The following CYP4F12 variants were observed in gnomAD, a reference collection of about 807,000 sequenced individuals.
The protein encoded by CYP4F12 is cytochrome P450 family 4 subfamily F member 12.
In CYP4F12, 60 loss-of-function variants were observed where a neutral mutation model predicts 56.5. The observed-to-expected ratio is 1.06, with a 90% CI of 0.86 to 1.32. The LOEUF (loss-of-function observed/expected upper bound fraction) is 1.32. Ranked by LOEUF, CYP4F12 falls within the 40% of genes most tolerant of loss-of-function variation. The pLI, the probability that CYP4F12 is intolerant of heterozygous loss-of-function variation, is 0.00. For missense variants in CYP4F12, 711 were observed against 683.5 expected (o/e 1.04, Z -0.45); for synonymous variants, 263 against 264.9 (o/e 0.99, Z 0.07).
At chr19:15,674,634 C>T (rs2006820725) in intron 2 of CYP4F12, among the ~76,000 whole-genome samples, 1 of 81,004 alleles carries the variant, frequency 1.2e-5, no homozygotes, top group Admixed American at 1.4e-4. Flanking sequence ...CCTCTATCCA[C>T]TCACTTTTTG....
chr19:15,678,694 G>C lies in CYP4F12; in HGVS notation c.343+289G>C, dbSNP rs977840512. ...TCAGGAATGGGCAAGAGAGAGATGG[G>C]TATGACAACACAGAGAACTGGGTGT... On this transcript the variant is annotated intron_variant, in intron 3 of 12. Coordinates refer to ENST00000550308, the MANE Select transcript of CYP4F12 (RefSeq NM_023944.4). The C allele has an allele frequency of 4.0e-5, 14 of 349,986 alleles. No individual in the cohort carries two copies. The South Asian group carries it at 6.3e-4, about 16-fold the overall frequency. 21.7% of individuals were successfully genotyped at this position (349,986 alleles called of 1,614,324 possible). A position where few individuals can be genotyped will look rare whatever the true frequency, so the allele number is the denominator to read the frequency against.
intron 9 of CYP4F12, among the ~76,000 whole-genome samples, chr19:15,695,245 C>G (rs983881662): frequency 1.3e-5 from 2 of 150,366 alleles, no homozygotes; most frequent in African/African-American, 4.9e-5. Context: ...AGTAAACTAT[C>G]GCAAAGACAA....
At chr19:15,695,506 A>T (rs202029134) in intron 9 of CYP4F12, among the ~76,000 whole-genome samples, 260 of 114,706 alleles carry the variant, frequency 2.3e-3, no homozygotes, top group East Asian at 8.5e-3. Flanking sequence ...ATAATAATAA[A>T]AAAAAAAAAA....
chr19:15,673,971 C>T (rs559895407), intron 2 of CYP4F12, among the ~76,000 whole-genome samples: 2 of 1,562 alleles, frequency 1.3e-3, no homozygotes, highest in African/African-American at 3.3e-3. Flanking sequence ...ATTCCTCTAC[C>T]CACTCACTCA....
At chr19:15,696,291 C>T in intron 11 of CYP4F12, 66 bp downstream of exon 11, 2 of 1,610,858 alleles carry the variant, frequency 1.2e-6, no homozygotes, top group Non-Finnish European at 1.7e-6. Flanking sequence ...TGTGTGAATT[C>T]CAAGGTTCCT....
chr19:15,692,830 T>A (rs2144760322), intron 9 of CYP4F12, among the ~76,000 whole-genome samples: 1 of 152,252 alleles, frequency 6.6e-6, no homozygotes, highest in East Asian at 1.9e-4. Context: ...TCCCAGTACT[T>A]TGTGAGGCCA....
chr19:15,675,066 G>A (rs890358179), intron 2 of CYP4F12, among the ~76,000 whole-genome samples: 1 of 152,206 alleles, frequency 6.6e-6, no homozygotes, highest in East Asian at 1.9e-4. Flanking sequence ...GAAGAGAAGT[G>A]CAGGCAGTCT....
At chr19:15,689,327 G>A (rs1030714480) in intron 9 of CYP4F12, among the ~76,000 whole-genome samples, 3 of 152,016 alleles carry the variant, frequency 2.0e-5, no homozygotes, top group African/African-American at 7.2e-5. Flanking sequence ...CTCAAAAGAA[G>A]ATACACAAAC....
Position 15,684,887 on chromosome 19 carries a change from G to A in CYP4F12, c.985+5G>A. 2 of 1,601,164 alleles carry A rather than the reference G, an allele frequency of 1.2e-6. No individual in the cohort carries two copies. The highest frequency in any genetic ancestry group is 2.2e-5 in the East Asian group (1 of 44,846). ...CTGACACCTTCATGTTTGGAGGTGA[G>A]GGTCCCAGTGTGGGACTACAGTGGA... On this transcript the variant is annotated splice_donor_5th_base_variant and intron_variant, in intron 8 of 12. Transcript: ENST00000550308.
intron 9 of CYP4F12, among the ~76,000 whole-genome samples, chr19:15,693,361 T>C (rs1370997225): frequency 5.3e-5 from 8 of 152,178 alleles, no homozygotes; most frequent in Non-Finnish European, 1.2e-4. Context: ...TCTTAAATGT[T>C]TATAAACGTT....
chr19:15,680,691 A>T (rs1266058796), intron 5 of CYP4F12, 172 bp downstream of exon 5: 1 of 850,730 alleles, frequency 1.2e-6, no homozygotes, highest in South Asian at 1.4e-5. Context: ...TTGAAAGGTC[A>T]TTTACTTGGC....
chr19:15,695,269 C>T (rs12104248), intron 9 of CYP4F12, among the ~76,000 whole-genome samples: 42,594 of 148,350 alleles, frequency 0.29, 6,531 homozygotes, highest in African/African-American at 0.4. Context: ...AACCAAACAC[C>T]GCATGTTCTC....
chr19:15,696,017 C>A lies in CYP4F12; in HGVS notation c.1197C>A (p.Ser399=). Residue 399 remains serine, a synonymous_variant, in exon 10 of 13, where the codon TCC becomes TCA. Transcript: ENST00000550308. ...LRLHPPAPFI[S]RCCTQDIVLP... ...TACATCCCCCAGCTCCCTTCATCTC[C>A]CGATGCTGCACCCAGGACATTGTTC... is the stretch of plus-strand genomic sequence containing the variant. 1.9e-6 allele frequency: 3 copies of A among 1,614,002 alleles called. No individual in the cohort carries two copies. Among genetic ancestry groups the A allele is most frequent in the Non-Finnish European group, 2.5e-6 (3 of 1,179,962 alleles).
chr19:15,696,305 G>A, intron 11 of CYP4F12, 80 bp downstream of exon 11: 1 of 1,611,208 alleles, frequency 6.2e-7, no homozygotes, highest in Non-Finnish European at 8.5e-7. Flanking sequence ...GGTTCCTAGT[G>A]GAGGGGGCAG....
In CYP4F12 at chr19:15,683,749, C is replaced by T. The variant is rs757712532; in HGVS notation, c.904C>T (p.Leu302Phe). Residue 302 changes from leucine to phenylalanine, a missense_variant, in exon 7 of 13, where the codon CTT (leucine) becomes TTT (phenylalanine). Leu to Phe is a conservative substitution (Grantham distance 22). Coordinates refer to ENST00000550308, the MANE Select transcript of CYP4F12 (RefSeq NM_023944.4). Reference sequence around the variant, plus strand: ...CAAGACTTTGGATTTCATTGATGTGCTTCTGCTGAGCAAGGTAGGTTTCTC... The same window carrying T: ...CAAGACTTTGGATTTCATTGATGTGTTTCTGCTGAGCAAGGTAGGTTTCTC... ...KSKTLDFIDV[L>F]LLSKDEDGKA... 3.2e-6 allele frequency: 5 copies of T among 1,558,742 alleles called. No individual in the cohort carries two copies. Among genetic ancestry groups the T allele is most frequent in the South Asian group, 2.4e-5 (2 of 81,748 alleles).
intron 2 of CYP4F12, among the ~76,000 whole-genome samples, chr19:15,676,055 G>T (rs2006904378): frequency 6.6e-6 from 1 of 152,166 alleles, no homozygotes; most frequent in Non-Finnish European, 1.5e-5. Flanking sequence ...AGTCCCTGGA[G>T]TTCTGAGGGC....
In CYP4F12 at chr19:15,696,501, C is replaced by T. The variant is rs746981355; in HGVS notation, c.1386C>T (p.Ser462=). 3.4e-5 allele frequency: 55 copies of T among 1,613,884 alleles called. No homozygotes were observed. The highest frequency in any genetic ancestry group is 4.2e-5 in the Non-Finnish European group (50 of 1,180,010). ...GRSPLAFIPF[S]AGPRNCIGQA... is the part of the protein sequence containing the mutation. ...CACCTCTGGCTTTTATTCCTTTCTC[C>T]GCAGGGCCCAGGTAAGAGCGCCCTG... is the stretch of plus-strand genomic sequence containing the variant. Residue 462 remains serine, a synonymous_variant, in exon 12 of 13, where the codon TCC becomes TCT. Transcript: ENST00000550308.
At chr19:15,691,711 T>C (rs2007878167) in intron 9 of CYP4F12, among the ~76,000 whole-genome samples, 1 of 152,128 alleles carries the variant, frequency 6.6e-6, no homozygotes, top group Non-Finnish European at 1.5e-5. Flanking sequence ...TTTTCTGTTT[T>C]TTTGTTGCAA....
Position 15,683,486 on chromosome 19 carries a change from T to C in CYP4F12, c.648-7T>C, listed in dbSNP as rs544910567. 891 of 1,582,938 alleles carry C rather than the reference T, an allele frequency of 5.6e-4. 8 individuals are homozygous for C. In the African/African-American group the frequency reaches 0.011, roughly 20 times the overall value. ...TTGTTGCCTCCCTTTCTGCCCTTGC[T>C]CTGCAGGAGGCCCAGTGAATATATT... On this transcript the variant is annotated splice_polypyrimidine_tract_variant and splice_region_variant and intron_variant, in intron 6 of 12. Coordinates refer to ENST00000550308, the MANE Select transcript of CYP4F12 (RefSeq NM_023944.4).
Sources: gnomAD v4.1 joint callset for allele counts (sites outside exome capture counted in the v4.1 genomes callset) on GRCh38, gnomAD v4.1.1 for gene constraint, MANE v1.5 for transcripts, NCBI Gene and HGNC (gene_info 2026-07-23, HGNC 2026-07-21) for gene names.